The following NRCAM variants were observed in gnomAD, a reference collection of about 807,000 sequenced individuals.
The protein encoded by NRCAM is neuronal cell adhesion molecule.
Under a neutral mutation model 156.5 loss-of-function variants are expected in NRCAM, and 83 were observed. The ratio of observed to expected loss-of-function variants is 0.53; its 90% CI spans 0.44 to 0.64. The LOEUF (loss-of-function observed/expected upper bound fraction) is 0.64. Ranked by LOEUF, NRCAM falls within the 30% of genes least tolerant of loss-of-function variation. NRCAM has a pLI of 0.00. For synonymous variants in NRCAM, 538 were observed against 563.9 expected (o/e 0.95, Z 0.65); for missense variants, 1,417 against 1,597.3 (o/e 0.89, Z 1.92).
chr7:108,425,609 T>C (rs569463480), intron 1 of NRCAM, among the ~76,000 whole-genome samples: 64 of 152,226 alleles, frequency 4.2e-4, no homozygotes, highest in Non-Finnish European at 8.4e-4. Context: ...TTTATAGTTC[T>C]TACATATATT....
At chr7:108,330,750 T>A (rs1215151258) in intron 2 of NRCAM, among the ~76,000 whole-genome samples, 1 of 152,184 alleles carries the variant, frequency 6.6e-6, no homozygotes, top group African/African-American at 2.4e-5. Context: ...AAAGCAGCTC[T>A]GTCTTCCAAA....
intron 3 of NRCAM, among the ~76,000 whole-genome samples, chr7:108,308,452 G>A (rs2098751146): frequency 6.6e-6 from 1 of 152,198 alleles, no homozygotes; most frequent in Non-Finnish European, 1.5e-5. Flanking sequence ...AATGCTAAGT[G>A]CTCTACATTT....
chr7:108,260,235 CA>C (rs1253039422), intron 3 of NRCAM, among the ~76,000 whole-genome samples: 2 of 152,082 alleles, frequency 1.3e-5, no homozygotes, highest in Non-Finnish European at 2.9e-5. Flanking sequence ...CAAGAAAGGG[CA>C]TTAAACAATA....
At chr7:108,412,103 T>TGTAA (rs1796121017) in intron 1 of NRCAM, among the ~76,000 whole-genome samples, 1 of 152,222 alleles carries the variant, frequency 6.6e-6, no homozygotes, top group Admixed American at 6.5e-5. Context: ...TTCATAAATG[T>TGTAA]ATAAGAAAAC....
rs990948516 is a variant in NRCAM, at chr7:108,273,398, C to T, written c.-106-33228G>A. On this transcript the variant is annotated intron_variant, in intron 3 of 32. Coordinates refer to ENST00000379028, the MANE Select transcript of NRCAM (RefSeq NM_001037132.4). ...AAGCGTTCCTATTTCTCTACATCCTCTCCAGAATCTGTTGTTTCCTGACTT... is the reference window on the plus strand; with the variant it reads ...AAGCGTTCCTATTTCTCTACATCCTTTCCAGAATCTGTTGTTTCCTGACTT... Among the ~76,000 whole-genome samples, 6 of 152,242 alleles carry T rather than the reference C, an allele frequency of 3.9e-5. No homozygotes were observed. In the East Asian group the frequency reaches 5.8e-4, roughly 15 times the overall value.
At chr7:108,206,498 G>A (rs549552762) in intron 13 of NRCAM, among the ~76,000 whole-genome samples, 30 of 152,124 alleles carry the variant, frequency 2.0e-4, no homozygotes, top group Non-Finnish European at 3.5e-4. Context: ...GGCTGGGTTT[G>A]ATGCTGAAAC....
Position 108,184,603 on chromosome 7 carries a change from C to G in NRCAM, c.2047G>C (p.Glu683Gln). The G allele has an allele frequency of 1.2e-6, 2 of 1,612,392 alleles. No individual in the cohort carries two copies. Among genetic ancestry groups the G allele is most frequent in the Non-Finnish European group, 1.7e-6 (2 of 1,179,802 alleles). ...NNSPITKFII[E>Q]YEDAMHKPGL... ...GGCTTGTGCATTGCATCTTCATATT[C>G]GATGATGAATTCTGGTCACGACACA... Residue 683 changes from glutamate to glutamine, a missense_variant, in exon 21 of 33, where the codon GAA becomes CAA. Physicochemically the swap from Glu to Gln is conservative, Grantham distance 29. Transcript: ENST00000379028.
chr7:108,408,266 G>A (rs1015864603), intron 1 of NRCAM, among the ~76,000 whole-genome samples: 1 of 152,142 alleles, frequency 6.6e-6, no homozygotes, highest in Non-Finnish European at 1.5e-5. Context: ...CACTTTTTAA[G>A]AGCCCAACAT....
At chr7:108,289,920 T>G (rs1421836171) in intron 3 of NRCAM, among the ~76,000 whole-genome samples, 1 of 152,158 alleles carries the variant, frequency 6.6e-6, no homozygotes, top group Non-Finnish European at 1.5e-5. Context: ...ACACTAAGGT[T>G]TGAGAACAAC....
chr7:108,352,692 C>T (rs1345926715), intron 2 of NRCAM, among the ~76,000 whole-genome samples: 4 of 152,084 alleles, frequency 2.6e-5, no homozygotes, highest in Admixed American at 2.6e-4. Context: ...TTAATTTTTC[C>T]TGAAAATCAA....
intron 1 of NRCAM, among the ~76,000 whole-genome samples, chr7:108,428,501 T>C (rs186741716): frequency 1.3e-3 from 204 of 152,294 alleles, no homozygotes; most frequent in African/African-American, 4.8e-3. Context: ...GAAGACTATA[T>C]GTTCCTGTGA....
chr7:108,204,552 C>T (rs888097358), intron 13 of NRCAM, among the ~76,000 whole-genome samples: 1 of 152,240 alleles, frequency 6.6e-6, no homozygotes, highest in Admixed American at 6.5e-5. Context: ...TTCACAGTAC[C>T]TTGGTATAAA....
At chr7:108,347,032 GTTTTTTTTTTT>G (rs754160030) in intron 2 of NRCAM, among the ~76,000 whole-genome samples, 20 of 83,054 alleles carry the variant, frequency 2.4e-4, no homozygotes, top group African/African-American at 9.6e-4. Flanking sequence ...TTATATTTCT[GTTTTTTTTTTT>G]TTTTTTTTTT....
intron 2 of NRCAM, among the ~76,000 whole-genome samples, chr7:108,397,649 T>C (rs1465893006): frequency 6.6e-6 from 1 of 152,134 alleles, no homozygotes; most frequent in Non-Finnish European, 1.5e-5. Flanking sequence ...GGCAGAGCAA[T>C]GAAAGTGAGA....
chr7:108,184,080 A>G (rs978488795), intron 22 of NRCAM, among the ~76,000 whole-genome samples, 161 bp downstream of exon 22: 4 of 150,786 alleles, frequency 2.7e-5, no homozygotes, highest in African/African-American at 9.7e-5. Context: ...ACTATATAAT[A>G]CTGCCTCTTA....
chr7:108,155,101 T>TATATATACACACAC (rs1270777439), intron 32 of NRCAM, among the ~76,000 whole-genome samples: 27 of 123,118 alleles, frequency 2.2e-4, no homozygotes, highest in African/African-American at 8.5e-4. Flanking sequence ...TATATATATA[T>TATATATACACACAC]ACACACACAC....
At chr7:108,361,834 A>G (rs2099553715) in intron 2 of NRCAM, among the ~76,000 whole-genome samples, 3 of 152,262 alleles carry the variant, frequency 2.0e-5, no homozygotes, top group African/African-American at 7.2e-5. Flanking sequence ...ATGTATATGT[A>G]TTACATATGT....
chr7:108,435,860 C>T (rs1216282269), intron 1 of NRCAM, among the ~76,000 whole-genome samples: 3 of 152,228 alleles, frequency 2.0e-5, no homozygotes, highest in Non-Finnish European at 2.9e-5. Flanking sequence ...TGGCCAGGGG[C>T]GGTGGCTTAC....
At chr7:108,347,168 G>C (rs952660177) in intron 2 of NRCAM, among the ~76,000 whole-genome samples, 1 of 149,852 alleles carries the variant, frequency 6.7e-6, no homozygotes, top group East Asian at 2.0e-4. Flanking sequence ...CTCCCAAGTA[G>C]CTGGGACTAC....
Sources: gnomAD v4.1 joint callset for allele counts (sites outside exome capture counted in the v4.1 genomes callset) on GRCh38, gnomAD v4.1.1 for gene constraint, MANE v1.5 for transcripts, NCBI Gene and HGNC (gene_info 2026-07-23, HGNC 2026-07-21) for gene names.